Variants in FOXP4 observed in about 807,000 individuals in gnomAD.
FOXP4 encodes the protein forkhead box protein P4.
A neutral mutation model predicts 82.6 loss-of-function variants in FOXP4; 25 were observed. That is an observed-to-expected ratio of 0.30 (90% confidence interval 0.22 to 0.42). The LOEUF (loss-of-function observed/expected upper bound fraction) is 0.42. Ranked by LOEUF, FOXP4 falls within the 10% of genes least tolerant of loss-of-function variation. The probability of loss-of-function intolerance (pLI) is 1.00; values close to 1 mark genes in which losing one functional copy is unlikely to be tolerated. For missense variants in FOXP4, 785 were observed against 900.9 expected (o/e 0.87, Z 1.65); for synonymous variants, 415 against 388.2 (o/e 1.07, Z -0.81).
chr6:41,587,069 C>T lies in FOXP4; in HGVS notation c.571C>T (p.Gln191Ter). 6.2e-7 allele frequency: 1 copy of T among 1,608,212 alleles called. No individual in the cohort carries two copies. Among genetic ancestry groups the T allele is most frequent in the Non-Finnish European group, 8.5e-7 (1 of 1,175,926 alleles). ...QQLLQMQQLQQQHLLNLQRQG... is the reference protein window; with the variant it reads ...QQLLQMQQLQ ...GCTCCTGCAAATGCAACAGTTGCAG[C>T]AGCAGCACCTGCTCAACCTGCAGAG... Residue 191 changes from glutamine (Q) to a stop codon, truncating the protein, a stop_gained, in exon 6 of 17, where the codon CAG (glutamine) becomes TAG (stop). Coordinates refer to ENST00000307972, the MANE Select transcript of FOXP4 (RefSeq NM_001012426.2). LOFTEE classifies it high-confidence loss of function.
At chr6:41,575,159 G>A (rs554612559) in intron 2 of FOXP4, among the ~76,000 whole-genome samples, 21 of 152,128 alleles carry the variant, frequency 1.4e-4, no homozygotes, top group African/African-American at 3.9e-4. Flanking sequence ...TAGTAGAGAC[G>A]GGGTTTCACC....
chr6:41,589,579 AG>A (rs2127396238), intron 9 of FOXP4, among the ~76,000 whole-genome samples, 191 bp from the exon 10 acceptor site: 1 of 152,318 alleles, frequency 6.6e-6, no homozygotes, highest in East Asian at 1.9e-4. Flanking sequence ...TGGAGCTGGC[AG>A]CCCTTGAGGG....
intron 8 of FOXP4, 133 bp downstream of exon 8, chr6:41,588,030 T>C (rs1347038242): frequency 1.7e-6 from 1 of 605,710 alleles, no homozygotes; most frequent in East Asian, 2.8e-5. Flanking sequence ...CAGAGGGTTC[T>C]AGTTCTTTCT....
chr6:41,569,115 A>G (rs1765042007), intron 2 of FOXP4, among the ~76,000 whole-genome samples: 1 of 152,048 alleles, frequency 6.6e-6, no homozygotes, highest in Non-Finnish European at 1.5e-5. Flanking sequence ...TATCACCTCC[A>G]CGCTGTCTTT....
In FOXP4 at chr6:41,598,029, T is replaced by TG; in HGVS notation, c.1895+83dup. Reference sequence around the variant, plus strand: ...AGGAGGCGTCATCCCCCACCCTGGGTGGGGTTCCCCATCCCACCCCCACCA... The same window carrying TG: ...AGGAGGCGTCATCCCCCACCCTGGGTGGGGGTTCCCCATCCCACCCCCACCA... On this transcript the variant is annotated intron_variant, in intron 16 of 16. Coordinates refer to ENST00000307972, the MANE Select transcript of FOXP4 (RefSeq NM_001012426.2). The TG allele has an allele frequency of 1.0e-5, 12 of 1,199,596 alleles. No individual in the cohort carries two copies. In the South Asian group the frequency reaches 2.0e-4, roughly 20 times the overall value. 74.3% of individuals were successfully genotyped at this position (1,199,596 alleles called of 1,614,324 possible). A position where few individuals can be genotyped will look rare whatever the true frequency, so the allele number is the denominator to read the frequency against.
intron 2 of FOXP4, among the ~76,000 whole-genome samples, chr6:41,576,902 G>T (rs773056320): frequency 6.6e-6 from 1 of 152,170 alleles, no homozygotes; most frequent in Non-Finnish European, 1.5e-5. Context: ...TCCCAAGGGG[G>T]TCTTGAGCAA....
intron 2 of FOXP4, 29 bp from the exon 3 acceptor site, chr6:41,577,957 C>A (rs763073527): frequency 6.4e-7 from 1 of 1,574,744 alleles, no homozygotes; most frequent in Non-Finnish European, 8.7e-7. Context: ...GCCTCCCAGG[C>A]CATTGCTGAC....
At chr6:41,574,960 T>TTTGTG (rs1765393039) in intron 2 of FOXP4, among the ~76,000 whole-genome samples, 1 of 150,676 alleles carries the variant, frequency 6.6e-6, no homozygotes, top group East Asian at 1.9e-4. Flanking sequence ...TTTGTTTTGT[T>TTTGTG]TTGTGTTTTG....
chr6:41,550,538 A>C (rs1763939968), intron 1 of FOXP4, among the ~76,000 whole-genome samples: 1 of 152,252 alleles, frequency 6.6e-6, no homozygotes, highest in South Asian at 2.1e-4. Context: ...TGGAACTAAA[A>C]TATGGGGCCC....
At chr6:41,585,215 G>A (rs1480097869) in intron 4 of FOXP4, among the ~76,000 whole-genome samples, 1 of 152,148 alleles carries the variant, frequency 6.6e-6, no homozygotes, top group Non-Finnish European at 1.5e-5. Context: ...CCAAAAGCAG[G>A]GAGGGTTCAG....
intron 3 of FOXP4, among the ~76,000 whole-genome samples, chr6:41,578,856 T>TC (rs1194150154): frequency 6.6e-6 from 1 of 151,086 alleles, no homozygotes; most frequent in Non-Finnish European, 1.5e-5. Flanking sequence ...GGATCCATGC[T>TC]CCCCCCACCC....
At chr6:41,586,791 C>CGCGTGCGT (rs552889054) in intron 5 of FOXP4, among the ~76,000 whole-genome samples, 5 of 152,018 alleles carry the variant, frequency 3.3e-5, no homozygotes, top group Non-Finnish European at 7.4e-5. Context: ...TGTGTTTGCG[C>CGCGTGCGT]GCGTGCGTGC....
chr6:41,594,349 A>T (rs1373852682), intron 13 of FOXP4, among the ~76,000 whole-genome samples: 1 of 152,186 alleles, frequency 6.6e-6, no homozygotes, highest in East Asian at 1.9e-4. Context: ...CAGCCAAAGC[A>T]TGGCTCCCAG....
intron 2 of FOXP4, chr6:41,570,534 C>T: frequency 2.6e-6 from 1 of 378,730 alleles, no homozygotes; most frequent in South Asian, 2.1e-5. Flanking sequence ...GGAAAATTCC[C>T]CTAGGAGGGC....
intron 1 of FOXP4, among the ~76,000 whole-genome samples, chr6:41,548,213 C>G (rs1763776337): frequency 6.6e-6 from 1 of 152,186 alleles, no homozygotes; most frequent in African/African-American, 2.4e-5. Flanking sequence ...CTGGAGATCA[C>G]CGCGTGTCTG....
intron 2 of FOXP4, among the ~76,000 whole-genome samples, chr6:41,571,390 A>G (rs574611127): frequency 2.0e-5 from 3 of 152,348 alleles, no homozygotes; most frequent in African/African-American, 7.2e-5. Flanking sequence ...AGCCTTTTGA[A>G]GGATCGCAGT....
At position 41,601,519 on chromosome 6, in the gene FOXP4, C is replaced by G. The variant is rs912369134; in HGVS notation, c.*2583C>G. On this transcript the variant is annotated 3_prime_UTR_variant, in exon 17 of 17. Transcript: ENST00000307972. Reference sequence around the variant, plus strand: ...TGGAGTTTCGCTCTTATTGCCCAGACTGGAGTGCAGTGATGCTATCTCGGC... The same window carrying G: ...TGGAGTTTCGCTCTTATTGCCCAGAGTGGAGTGCAGTGATGCTATCTCGGC... The G allele has an allele frequency of 2.0e-5, 3 of 152,272 alleles. No homozygotes were observed. The highest frequency in any genetic ancestry group is 4.4e-5 in the Non-Finnish European group (3 of 68,098). 9.4% of individuals were successfully genotyped at this position (152,272 alleles called of 1,614,324 possible). A position where few individuals can be genotyped will look rare whatever the true frequency, so the allele number is the denominator to read the frequency against.
intron 3 of FOXP4, among the ~76,000 whole-genome samples, chr6:41,579,414 G>A (rs1369743136): frequency 6.6e-6 from 1 of 152,118 alleles, no homozygotes; most frequent in East Asian, 1.9e-4. Flanking sequence ...AGTGGTCCTT[G>A]GGCTTCCACT....
intron 3 of FOXP4, among the ~76,000 whole-genome samples, chr6:41,582,634 A>G (rs1040794383): frequency 6.6e-6 from 1 of 152,188 alleles, no homozygotes; most frequent in African/African-American, 2.4e-5. Flanking sequence ...TTCTTTGAGC[A>G]GCCTCCCCAG....
Sources: allele counts gnomAD v4.1 joint callset (sites outside exome capture counted in the v4.1 genomes callset), GRCh38; gene constraint gnomAD v4.1.1; transcripts MANE v1.5; gene names NCBI Gene and HGNC (gene_info 2026-07-23, HGNC 2026-07-21).